MSN: variants seen among roughly 807,000 people sequenced by gnomAD.
MSN encodes the protein moesin.
Under a neutral mutation model 48.0 loss-of-function variants are expected in MSN, and 2 were observed. The observed-to-expected ratio is 0.04, with a 90% confidence interval of 0.02 to 0.13. The LOEUF is 0.13. Among genes scored for constraint, MSN ranks in the 10% least tolerant of loss-of-function variants. MSN has a pLI of 1.00. For synonymous variants in MSN, 146 were observed against 166.9 expected, an observed-to-expected ratio of 0.87 and a Z score of 0.97; for missense variants, 267 against 470.1, an observed-to-expected ratio of 0.57 and a Z score of 3.99.
At chrX:65,635,526 C>A (rs1342257013) in intron 1 of MSN, among the ~76,000 whole-genome samples, 1 of 111,786 alleles carries the variant, frequency 8.9e-6, no homozygotes, top group Non-Finnish European at 1.9e-5. Flanking sequence ...GGGGTGGGAA[C>A]TTGGCAAAGA....
intron 6 of MSN, among the ~76,000 whole-genome samples, chrX:65,732,357 T>A (rs2071630951): frequency 8.9e-6 from 1 of 112,736 alleles, no homozygotes; most frequent in South Asian, 3.6e-4. Context: ...ATGATAATAT[T>A]TTAGATATAT....
At chrX:65,654,956 T>A (rs945433888) in intron 1 of MSN, among the ~76,000 whole-genome samples, 2 of 111,680 alleles carry the variant, frequency 1.8e-5, no homozygotes, top group Non-Finnish European at 3.8e-5. Context: ...ACACTTAGGA[T>A]GTGGGGAGTG....
At chrX:65,687,243 G>A (rs61677186) in intron 1 of MSN, among the ~76,000 whole-genome samples, 22,101 of 110,880 alleles carry the variant, frequency 0.2, 5,425 homozygotes, top group African/African-American at 0.69. Context: ...AGCTACTCAG[G>A]AGGCTGAGGC....
At chrX:65,729,930 C>T (rs2071606423) in intron 4 of MSN, among the ~76,000 whole-genome samples, 1 of 112,588 alleles carries the variant, frequency 8.9e-6, no homozygotes, top group Admixed American at 9.4e-5. Flanking sequence ...TTCCCTCTGT[C>T]TACCTGGTTA....
intron 1 of MSN, among the ~76,000 whole-genome samples, chrX:65,682,598 G>T (rs1322988349): frequency 8.9e-6 from 1 of 111,991 alleles, no homozygotes; most frequent in East Asian, 2.8e-4. Context: ...TCTCAGGAGT[G>T]TGTTCTTTCC....
chrX:65,728,711 T>A (rs779775358), intron 3 of MSN, among the ~76,000 whole-genome samples: 16 of 111,686 alleles, frequency 1.4e-4, no homozygotes, highest in Non-Finnish European at 2.8e-4. Context: ...CCCATATAGA[T>A]GTTTCCCTCT....
chrX:65,655,894 G>A (rs955290512), intron 1 of MSN, among the ~76,000 whole-genome samples: 1 of 111,676 alleles, frequency 9.0e-6, no homozygotes, highest in Non-Finnish European at 1.9e-5. Context: ...AGCCTCCCAA[G>A]TAGCTGGGAC....
rs777771935 is a variant in MSN at position 65,739,024 on chromosome X, A to G, written c.1399A>G (p.Met467Val). The G allele has an allele frequency of 3.2e-5, 39 of 1,210,403 alleles. No individual in the cohort carries two copies. In the South Asian group the frequency reaches 5.8e-4, roughly 18 times the overall value. ...GACCCGTGCTGAGCTGAAGACTGCCATGAGTACACCTCATGTGGCAGAGCC... is the reference window on the plus strand; with the variant it reads ...GACCCGTGCTGAGCTGAAGACTGCCGTGAGTACACCTCATGTGGCAGAGCC... ...EKTRAELKTA[M>V]STPHVAEPAE... The change falls in exon 12 of 13, where the codon ATG (methionine) becomes GTG (valine). Residue 467 changes from methionine to valine, a missense_variant. Met to Val is a conservative substitution (Grantham distance 21). Transcript: ENST00000360270.
chrX:65,699,931 C>A (rs2071285321), intron 1 of MSN, among the ~76,000 whole-genome samples: 1 of 110,737 alleles, frequency 9.0e-6, no homozygotes, highest in Non-Finnish European at 1.9e-5. Context: ...TACTGAACCT[C>A]CATTTCTCCC....
intron 2 of MSN, among the ~76,000 whole-genome samples, chrX:65,717,900 AAGG>A (rs2071482359): frequency 1.8e-5 from 2 of 111,754 alleles, no homozygotes; most frequent in South Asian, 7.5e-4. Context: ...AGAAAAAAAG[AAGG>A]AGGTAGTGTT....
At chrX:65,646,363 G>A (rs912021452) in intron 1 of MSN, among the ~76,000 whole-genome samples, 1 of 111,692 alleles carries the variant, frequency 9.0e-6, no homozygotes, top group Non-Finnish European at 1.9e-5. Context: ...GCTTTCTTGT[G>A]GTGAGTTACT....
intron 1 of MSN, among the ~76,000 whole-genome samples, chrX:65,702,957 G>T (rs1313008848): frequency 8.9e-6 from 1 of 112,036 alleles, no homozygotes; most frequent in East Asian, 2.8e-4. Flanking sequence ...TTAAAATAAT[G>T]CTGGAATACA....
intron 1 of MSN, among the ~76,000 whole-genome samples, chrX:65,675,438 C>G (rs2070987967): frequency 9.1e-6 from 1 of 110,416 alleles, no homozygotes; most frequent in Non-Finnish European, 1.9e-5. Flanking sequence ...ACCAATGGCC[C>G]TAGACCAATG....
intron 1 of MSN, among the ~76,000 whole-genome samples, chrX:65,634,705 T>C (rs1329738429): frequency 2.7e-5 from 3 of 113,057 alleles, no homozygotes; most frequent in Non-Finnish European, 3.7e-5. Flanking sequence ...ATGACTAATA[T>C]AAAATGTTTT....
rs778674218 is a variant in MSN, at chrX:65,614,729, G to C, written c.-22+26117G>C. 6.3e-3 allele frequency among the ~76,000 whole-genome samples: 516 copies of C among 82,376 alleles called. 3 individuals are homozygous for C. The highest frequency in any genetic ancestry group is 0.011 in the Non-Finnish European group (458 of 43,143). The allele number at this position is 82,376 out of a possible 115,157, so 71.5% of individuals were successfully genotyped here. ...TTTTTTTTTTTTAATTATACTTTAAGTTTTAGGGTACATGTGCACATTGTG... is the reference window on the plus strand; with the variant it reads ...TTTTTTTTTTTTAATTATACTTTAACTTTTAGGGTACATGTGCACATTGTG... On this transcript the variant is annotated intron_variant, in intron 1 of 3. Transcript: ENST00000609672.
At chrX:65,675,744 T>C (rs2070991567) in intron 1 of MSN, among the ~76,000 whole-genome samples, 2 of 111,206 alleles carry the variant, frequency 1.8e-5, no homozygotes, top group Non-Finnish European at 3.8e-5. Context: ...TTCAAGCGAT[T>C]CTCGTTCCTC....
chrX:65,684,129 A>G (rs2071087502), intron 1 of MSN, among the ~76,000 whole-genome samples: 1 of 110,450 alleles, frequency 9.1e-6, no homozygotes, highest in Non-Finnish European at 1.9e-5. Context: ...TTTAGTAGAA[A>G]TGTGGTCTTG....
At chrX:65,606,930 C>T (rs1019698504) in intron 1 of MSN, among the ~76,000 whole-genome samples, 41 of 112,373 alleles carry the variant, frequency 3.6e-4, no homozygotes, top group African/African-American at 1.3e-3. Flanking sequence ...AATGACTTGC[C>T]TTCATGGAGC....
chrX:65,686,802 G>C (rs917783802), intron 1 of MSN, among the ~76,000 whole-genome samples: 6 of 112,286 alleles, frequency 5.3e-5, no homozygotes, highest in African/African-American at 1.9e-4. Flanking sequence ...TTAGCTCGTA[G>C]AAAATCAAGT....
Sources: gnomAD v4.1 joint callset for allele counts (sites outside exome capture counted in the v4.1 genomes callset) on GRCh38, gnomAD v4.1.1 for gene constraint, MANE v1.5 for transcripts, NCBI Gene and HGNC (gene_info 2026-07-23, HGNC 2026-07-21) for gene names.